The following ABCA8 variants were observed in gnomAD, a reference collection of about 807,000 sequenced individuals.
ABCA8 encodes the protein ATP binding cassette subfamily A member 8.
Under a neutral mutation model 192.3 loss-of-function variants are expected in ABCA8, and 177 were observed. The observed-to-expected ratio is 0.92, with a 90% confidence interval of 0.81 to 1.04. The LOEUF (loss-of-function observed/expected upper bound fraction) is 1.04, where lower values mean the gene tolerates loss of function less well. Ranked by LOEUF, ABCA8 falls within the 50% of genes least tolerant of loss-of-function variation. The pLI, the probability that ABCA8 is intolerant of heterozygous loss-of-function variation, is 0.00. For missense variants in ABCA8, 1,915 were observed against 1,904.8 expected (o/e 1.01, Z -0.10); for synonymous variants, 642 against 690.2 (o/e 0.93, Z 1.09).
intron 19 of ABCA8, among the ~76,000 whole-genome samples, chr17:68,905,331 G>C (rs911631780): frequency 6.6e-6 from 1 of 152,068 alleles, no homozygotes; most frequent in African/African-American, 2.4e-5. Flanking sequence ...TCAGTCACAC[G>C]GTCCACATGT....
At chr17:68,936,910 T>C (rs1350561058) in intron 5 of ABCA8, 41 bp downstream of exon 5, 2 of 1,498,984 alleles carry the variant, frequency 1.3e-6, no homozygotes, top group East Asian at 2.4e-5. Flanking sequence ...TATGACATAA[T>C]TGAAATAGAG....
At position 68,941,920 on chromosome 17, in the gene ABCA8, C is replaced by T. The variant is rs2068240602; in HGVS notation, c.96+19G>A. 1.3e-6 allele frequency: 2 copies of T among 1,528,222 alleles called. No individual in the cohort carries two copies. Among genetic ancestry groups the T allele is most frequent in the Non-Finnish European group, 1.8e-6 (2 of 1,106,300 alleles). The allele number at this position is 1,528,222 out of a possible 1,614,324, so 94.7% of individuals were successfully genotyped here. A position where few individuals can be genotyped will look rare whatever the true frequency, so the allele number is the denominator to read the frequency against. ...TTTTCCTATCATAAATAGAGAATAA[C>T]ACGGATATTGAGTCATACCATTAAG... On this transcript the variant is annotated intron_variant, in intron 3 of 39. Coordinates refer to ENST00000586539, the MANE Select transcript of ABCA8 (RefSeq NM_001288985.2).
intron 17 of ABCA8, among the ~76,000 whole-genome samples, chr17:68,908,173 G>C (rs1044660104): frequency 1.3e-5 from 2 of 152,178 alleles, no homozygotes; most frequent in Non-Finnish European, 2.9e-5. Context: ...AGCTCCTGAA[G>C]AGAGGGTGGT....
chr17:68,910,968 G>A (rs1191840558), intron 17 of ABCA8, among the ~76,000 whole-genome samples: 1 of 151,198 alleles, frequency 6.6e-6, no homozygotes, highest in Non-Finnish European at 1.5e-5. Flanking sequence ...GGCCTTGGGT[G>A]AGGCCCAGTG....
chr17:68,885,383 A>C, intron 26 of ABCA8, 68 bp from the exon 27 acceptor site: 278 of 1,453,622 alleles, frequency 1.9e-4, no homozygotes, highest in Non-Finnish European at 2.3e-4. Context: ...GAGATGGCTC[A>C]TCTTGAAGAT....
At chr17:68,909,807 T>C (rs1160700867) in intron 17 of ABCA8, among the ~76,000 whole-genome samples, 2 of 152,186 alleles carry the variant, frequency 1.3e-5, no homozygotes, top group African/African-American at 4.8e-5. Context: ...GAAACTGTCA[T>C]CCTATTTTCT....
chr17:68,944,529 T>C (rs775849405), intron 2 of ABCA8: 5 of 150,992 alleles, frequency 3.3e-5, no homozygotes, highest in Admixed American at 6.6e-5. Flanking sequence ...TATTGCATCT[T>C]GGGGAGGAGT....
Position 68,950,288 on chromosome 17 carries a change from T to C in ABCA8, c.-166-816A>G, listed in dbSNP as rs1044691971. On this transcript the variant is annotated intron_variant, in intron 1 of 39. Transcript: ENST00000586539. ...TGCCCGAAGTAATTTATAAATTCAA[T>C]GCTATTCCCATCAAGCTACCATTGA... Among the ~76,000 whole-genome samples, 3 of 152,176 alleles carry C rather than the reference T, an allele frequency of 2.0e-5. No individual in the cohort carries two copies. The East Asian group carries it at 5.8e-4, about 29-fold the overall frequency.
At chr17:68,868,264 A>G (rs1359391022) in intron 39 of ABCA8, 37 bp downstream of exon 39, 1 of 1,609,030 alleles carries the variant, frequency 6.2e-7, no homozygotes. Flanking sequence ...TTATACACAT[A>G]TACCATGGAT....
At chr17:68,953,720 C>T (rs1301556404) in intron 1 of ABCA8, among the ~76,000 whole-genome samples, 2 of 151,350 alleles carry the variant, frequency 1.3e-5, no homozygotes, top group African/African-American at 4.8e-5. Flanking sequence ...GCTCTCCTTA[C>T]CTAAAATCAC....
At position 68,867,340 on chromosome 17, in the gene ABCA8, A is replaced by G. The variant is rs966813522; in HGVS notation, c.*745T>C. The G allele has an allele frequency of 1.3e-5, 2 of 152,212 alleles. No individual in the cohort carries two copies. The highest frequency in any genetic ancestry group is 2.9e-5 in the Non-Finnish European group (2 of 68,020). 9.4% of individuals were successfully genotyped at this position (152,212 alleles called of 1,614,324 possible). The stretch of plus-strand genomic sequence containing the variant: ...TTTCACATTTTCTACCTACTCAGTC[A>G]TGTGAGCTGTTGCTACATTTGTGAA... On this transcript the variant is annotated 3_prime_UTR_variant, in exon 40 of 40. Transcript: ENST00000586539.
chr17:68,876,815 T>C, intron 33 of ABCA8, 112 bp from the exon 34 acceptor site: 1 of 1,293,974 alleles, frequency 7.7e-7, no homozygotes, highest in Non-Finnish European at 1.1e-6. Context: ...TGGAAATACA[T>C]GTGGTCGGGG....
intron 1 of ABCA8, among the ~76,000 whole-genome samples, chr17:68,951,198 T>G (rs536902224): frequency 1.8e-4 from 28 of 152,348 alleles, no homozygotes; most frequent in Non-Finnish European, 3.7e-4. Context: ...CTTTTTGCTA[T>G]GTAACATAAA....
At chr17:68,885,121 A>C in intron 27 of ABCA8, 75 bp downstream of exon 27, 1 of 1,462,966 alleles carries the variant, frequency 6.8e-7, no homozygotes, top group African/African-American at 1.4e-5. Context: ...GTTGTAGTAG[A>C]CCTTCAACAT....
intron 24 of ABCA8, 100 bp from the exon 25 acceptor site, chr17:68,887,606 AT>A: frequency 9.7e-7 from 1 of 1,026,912 alleles, no homozygotes; most frequent in Non-Finnish European, 1.4e-6. Context: ...ACAATTCTAG[AT>A]TATGTCTACA....
At chr17:68,903,524 C>T (rs1184084986) in intron 19 of ABCA8, 25 bp from the exon 20 acceptor site, 1 of 1,609,078 alleles carries the variant, frequency 6.2e-7, no homozygotes, top group Admixed American at 1.7e-5. Flanking sequence ...ATAAGCAACT[C>T]ATATGTACTT....
intron 28 of ABCA8, among the ~76,000 whole-genome samples, 183 bp downstream of exon 28, chr17:68,884,147 CA>C (rs1414436523): frequency 1.3e-5 from 2 of 152,128 alleles, no homozygotes; most frequent in Non-Finnish European, 2.9e-5. Context: ...ATTTGGGAGG[CA>C]CATTACCTGG....
intron 17 of ABCA8, among the ~76,000 whole-genome samples, chr17:68,914,652 A>G (rs1175024148): frequency 6.6e-6 from 1 of 152,076 alleles, no homozygotes; most frequent in East Asian, 1.9e-4. Context: ...AAGAGGACAC[A>G]AAAAGGAAAG....
At chr17:68,930,009 G>GT (rs1358985997) in intron 7 of ABCA8, among the ~76,000 whole-genome samples, 1 of 151,950 alleles carries the variant, frequency 6.6e-6, no homozygotes, top group Non-Finnish European at 1.5e-5. Context: ...TAGGTTTCCA[G>GT]TGTAATAGAT....
Sources: gnomAD v4.1 joint callset for allele counts (sites outside exome capture counted in the v4.1 genomes callset) on GRCh38, gnomAD v4.1.1 for gene constraint, MANE v1.5 for transcripts, NCBI Gene and HGNC (gene_info 2026-07-23, HGNC 2026-07-21) for gene names.